PDLIM5: variants seen among roughly 807,000 people sequenced by gnomAD.
PDLIM5 encodes the protein PDZ and LIM domain protein 5.
A neutral mutation model predicts 64.2 loss-of-function variants in PDLIM5; 34 were observed. The observed-to-expected ratio is 0.53, with a 90% CI of 0.40 to 0.71. PDLIM5 has a LOEUF of 0.71. PDLIM5 is among the 30% of genes least tolerant of loss of function. PDLIM5 has a pLI of 0.00. For missense variants in PDLIM5, 683 were observed against 733.6 expected (o/e 0.93, Z 0.80); for synonymous variants, 253 against 269.1 (o/e 0.94, Z 0.59).
At chr4:94,497,532 T>G (rs534270134) in intron 2 of PDLIM5, among the ~76,000 whole-genome samples, 3 of 152,180 alleles carry the variant, frequency 2.0e-5, no homozygotes, top group Non-Finnish European at 4.4e-5. Context: ...ATAAATTGAT[T>G]ATGCTCATCT....
intron 3 of PDLIM5, among the ~76,000 whole-genome samples, chr4:94,565,973 A>G (rs911642108): frequency 2.6e-5 from 4 of 152,228 alleles, no homozygotes; most frequent in Non-Finnish European, 4.4e-5. Flanking sequence ...CTTGAATTAA[A>G]CCAAAAATGG....
chr4:94,526,061 G>A (rs1025531420), intron 3 of PDLIM5, among the ~76,000 whole-genome samples: 4 of 152,166 alleles, frequency 2.6e-5, no homozygotes, highest in Non-Finnish European at 4.4e-5. Flanking sequence ...AAATAGAGAT[G>A]ATGACAGGCT....
At chr4:94,476,258 G>C (rs1725311386) in intron 2 of PDLIM5, among the ~76,000 whole-genome samples, 1 of 152,090 alleles carries the variant, frequency 6.6e-6, no homozygotes, top group Admixed American at 6.6e-5. Flanking sequence ...ATAAGAATGT[G>C]ACTTTGTTTT....
At chr4:94,604,624 G>A (rs1346840349) in intron 7 of PDLIM5, among the ~76,000 whole-genome samples, 1 of 151,986 alleles carries the variant, frequency 6.6e-6, no homozygotes, top group Non-Finnish European at 1.5e-5. Context: ...ACAGAGTGAG[G>A]CTCCGTCTCC....
At chr4:94,478,157 G>A (rs1725495920) in intron 2 of PDLIM5, among the ~76,000 whole-genome samples, 3 of 151,210 alleles carry the variant, frequency 2.0e-5, no homozygotes, top group Admixed American at 2.0e-4. Context: ...TTAGGAAGCC[G>A]AGGCAGGAGA....
At chr4:94,608,118 A>G in intron 7 of PDLIM5, 1 of 1,530,886 alleles carries the variant, frequency 6.5e-7, no homozygotes, top group South Asian at 1.2e-5. Flanking sequence ...GCAACTCCTC[A>G]GGTGTTAACT....
At chr4:94,594,117 C>T (rs1266819524) in intron 7 of PDLIM5, among the ~76,000 whole-genome samples, 1 of 152,066 alleles carries the variant, frequency 6.6e-6, no homozygotes, top group Admixed American at 6.5e-5. Context: ...ACATTAATAC[C>T]TATATTGAAA....
intron 7 of PDLIM5, chr4:94,587,062 C>A: frequency 1.2e-6 from 2 of 1,609,392 alleles, no homozygotes; most frequent in South Asian, 2.2e-5. Flanking sequence ...AGTTTCAGCA[C>A]GTGCTCTTAA....
intron 7 of PDLIM5, among the ~76,000 whole-genome samples, chr4:94,614,212 C>T (rs1217466244): frequency 3.3e-5 from 5 of 152,122 alleles, no homozygotes; most frequent in African/African-American, 1.2e-4. Flanking sequence ...CCGCCCACCT[C>T]GGCCTCCCAA....
intron 8 of PDLIM5, among the ~76,000 whole-genome samples, chr4:94,628,885 AG>A (rs1450094032): frequency 1.3e-5 from 2 of 152,056 alleles, no homozygotes; most frequent in African/African-American, 4.8e-5. Context: ...AGTATTCCTG[AG>A]GTCATGCATT....
At chr4:94,474,030 ATGGAGGCTGAGAAATTTTAGTATCTTT>A (rs1357453036) in intron 2 of PDLIM5, among the ~76,000 whole-genome samples, 3 of 152,238 alleles carry the variant, frequency 2.0e-5, no homozygotes, top group Admixed American at 2.0e-4. Context: ...CAGCTTGAAA[ATGGAGGCTGAGAAATTTTAGTATCTTT>A]TGGGTAATCA....
intron 9 of PDLIM5, among the ~76,000 whole-genome samples, chr4:94,641,350 A>G (rs1740990577): frequency 6.6e-6 from 1 of 152,228 alleles, no homozygotes; most frequent in Admixed American, 6.5e-5. Flanking sequence ...TTTCTAGGTA[A>G]TATTTAAAAT....
chr4:94,508,132 A>G (rs971603316), intron 2 of PDLIM5, among the ~76,000 whole-genome samples: 3 of 127,490 alleles, frequency 2.4e-5, no homozygotes, highest in African/African-American at 1.3e-4. Flanking sequence ...AGGCACTGAC[A>G]TAAGAACATT....
chr4:94,649,572 G>A (rs1741685636), intron 9 of PDLIM5, among the ~76,000 whole-genome samples: 1 of 152,142 alleles, frequency 6.6e-6, no homozygotes, highest in Non-Finnish European at 1.5e-5. Flanking sequence ...TAGCATATAA[G>A]TTCCATGCAA....
chr4:94,570,614 T>C (rs1734724443), intron 3 of PDLIM5, among the ~76,000 whole-genome samples: 1 of 152,246 alleles, frequency 6.6e-6, no homozygotes. Flanking sequence ...AACAGTAGAC[T>C]AGCTGAATAT....
rs58446134 is a variant in PDLIM5, at chr4:94,663,360, C to T, written c.1702-618C>T. ...TTTTAGCAGATTTGCCTTTTCTTTT[C>T]TAATAAAGCTGTTCATTCTAATTAA... On this transcript the variant is annotated intron_variant, in intron 12 of 12. Transcript: ENST00000317968. 8.6e-3 allele frequency among the ~76,000 whole-genome samples: 1,314 copies of T among 152,156 alleles called. 21 individuals are homozygous for T. The highest frequency in any genetic ancestry group is 0.03 in the African/African-American group (1,252 of 41,522).
At chr4:94,578,297 G>A (rs949615016) in intron 5 of PDLIM5, among the ~76,000 whole-genome samples, 1 of 152,084 alleles carries the variant, frequency 6.6e-6, no homozygotes, top group African/African-American at 2.4e-5. Flanking sequence ...CTGAAACTAG[G>A]CAGTATTATA....
chr4:94,664,263 T>G lies in PDLIM5; in HGVS notation c.*196T>G. 1.2e-5 allele frequency: 12 copies of G among 1,025,834 alleles called. No homozygotes were observed. Among genetic ancestry groups the G allele is most frequent in the Non-Finnish European group, 1.5e-5 (12 of 822,876 alleles). The allele number at this position is 1,025,834 out of a possible 1,614,324, so 63.5% of individuals were successfully genotyped here. ...AAGTAAAGAGACGGTTTGGCATTTA[T>G]TATTACTTTTTCCTGTATTTTATGC... On this transcript the variant is annotated 3_prime_UTR_variant, in exon 13 of 13. Transcript: ENST00000317968.
intron 7 of PDLIM5, among the ~76,000 whole-genome samples, chr4:94,596,674 G>C (rs1021223267): frequency 6.6e-6 from 1 of 151,792 alleles, no homozygotes; most frequent in Non-Finnish European, 1.5e-5. Context: ...ACACATTGCA[G>C]GTTTCAGAAG....
Sources: gnomAD v4.1 joint callset for allele counts (sites outside exome capture counted in the v4.1 genomes callset) on GRCh38, gnomAD v4.1.1 for gene constraint, MANE v1.5 for transcripts, NCBI Gene and HGNC (gene_info 2026-07-23, HGNC 2026-07-21) for gene names.